The following CAMSAP2 variants were observed in gnomAD, a reference collection of about 807,000 sequenced individuals.
CAMSAP2 encodes calmodulin-regulated spectrin-associated protein 2.
A neutral mutation model predicts 146.1 loss-of-function variants in CAMSAP2; 26 were observed. The observed-to-expected ratio is 0.18, with a 90% CI of 0.13 to 0.25. The LOEUF (loss-of-function observed/expected upper bound fraction) is 0.25, where lower values mean the gene tolerates loss of function less well. CAMSAP2 is among the 10% of genes least tolerant of loss of function. The pLI, the probability that CAMSAP2 is intolerant of heterozygous loss-of-function variation, is 1.00. For missense variants in CAMSAP2, 1,381 were observed against 1,759.3 expected (o/e 0.78, Z 3.85); for synonymous variants, 499 against 596.6 (o/e 0.84, Z 2.38).
chr1:200,836,518 G>A (rs541916462), intron 6 of CAMSAP2, among the ~76,000 whole-genome samples: 14 of 152,032 alleles, frequency 9.2e-5, no homozygotes, highest in Admixed American at 2.6e-4. Flanking sequence ...ATGATTCCAT[G>A]TCTTGGCTAT....
chr1:200,845,483 C>T (rs1407712075), intron 8 of CAMSAP2, among the ~76,000 whole-genome samples: 1 of 152,090 alleles, frequency 6.6e-6, no homozygotes, highest in African/African-American at 2.4e-5. Context: ...GGCTGGTTAA[C>T]TGTATCATTG....
Position 200,810,247 on chromosome 1 carries a change from TTGTC to T in CAMSAP2, c.561+2713_561+2716del, listed in dbSNP as rs1357997299. On this transcript the variant is annotated intron_variant, in intron 3 of 16. Transcript: ENST00000358823. ...ACACTGTTATTTGTTCACTCCCACA[TTGTC>T]TGACTCTTCCGGTCTATTGGATCAT... is the stretch of plus-strand genomic sequence containing the variant. Among the ~76,000 whole-genome samples the T allele has an allele frequency of 1.8e-4, 27 of 152,266 alleles. 1 individual carries two copies. The highest frequency in any genetic ancestry group is 5.3e-4 in the African/African-American group (22 of 41,544).
chr1:200,849,504 G>A lies in CAMSAP2; in HGVS notation c.2735G>A (p.Arg912Lys). 1 of 1,614,196 alleles carries A rather than the reference G, an allele frequency of 6.2e-7. No homozygotes were observed. Among genetic ancestry groups the A allele is most frequent in the Non-Finnish European group, 8.5e-7 (1 of 1,180,032 alleles). The change falls in exon 11 of 17, where the codon AGA (arginine) becomes AAA (lysine). Residue 912 changes from arginine (R) to lysine (K), a missense_variant. Transcript: ENST00000358823. The surrounding 1 kb of genome is among the most constrained non-coding windows in gnomAD (Gnocchi z 6.3). Reference protein sequence around the residue: ...SLQQEMLMQMREQQSWVISPP... With the variant: ...SLQQEMLMQMKEQQSWVISPP... ...CAGCAGGAGATGTTAATGCAGATGA[G>A]AGAGCAACAATCTTGGGTGATTTCA...
intron 4 of CAMSAP2, 115 bp downstream of exon 4, chr1:200,815,759 A>C (rs1666465745): frequency 4.3e-6 from 2 of 470,278 alleles, no homozygotes; most frequent in Non-Finnish European, 7.3e-6. Context: ...AGTGGTGTTA[A>C]CTGTACCCTA....
intron 1 of CAMSAP2, among the ~76,000 whole-genome samples, chr1:200,755,854 A>T (rs1249685968): frequency 6.6e-6 from 1 of 152,208 alleles, no homozygotes; most frequent in Non-Finnish European, 1.5e-5. Flanking sequence ...TTAAACTACA[A>T]TGAGTGACTG....
In CAMSAP2 at chr1:200,859,713, G is replaced by A. The variant is rs78264982; in HGVS notation, c.*1654G>A. The A allele has an allele frequency of 3.2e-4, 49 of 152,242 alleles. 1 individual carries two copies. In the East Asian group the frequency reaches 8.8e-3, roughly 27 times the overall value. 9.4% of individuals were successfully genotyped at this position (152,242 alleles called of 1,614,324 possible). A position where few individuals can be genotyped will look rare whatever the true frequency, so the allele number is the denominator to read the frequency against. ...GATATGTAACTCTTATATTTTAAGT[G>A]TATACATATTGTGTATATAACATAT... On this transcript the variant is annotated 3_prime_UTR_variant, in exon 17 of 17. Transcript: ENST00000358823.
intron 2 of CAMSAP2, among the ~76,000 whole-genome samples, chr1:200,781,087 A>T (rs1284229030): frequency 6.6e-6 from 1 of 152,228 alleles, no homozygotes; most frequent in African/African-American, 2.4e-5. Flanking sequence ...TGGAGCTGTT[A>T]CTGATGGTTA....
chr1:200,835,475 T>A (rs1667162281), intron 6 of CAMSAP2, among the ~76,000 whole-genome samples: 1 of 152,298 alleles, frequency 6.6e-6, no homozygotes, highest in Non-Finnish European at 1.5e-5. Context: ...TATCTCCATG[T>A]GCCAGACACT....
chr1:200,817,994 TC>T (rs914085166), intron 4 of CAMSAP2, among the ~76,000 whole-genome samples: 13 of 152,200 alleles, frequency 8.5e-5, no homozygotes, highest in Non-Finnish European at 1.6e-4. Flanking sequence ...TCAGCTTCCT[TC>T]CCTTTCTCTT....
rs373017749 is a variant in CAMSAP2 at position 200,785,393 on chromosome 1, G to GTT, written c.400-21970_400-21969dup. On this transcript the variant is annotated intron_variant, in intron 2 of 16. Coordinates refer to ENST00000358823, the MANE Select transcript of CAMSAP2 (RefSeq NM_203459.4). ...TTGATGTTTTCTTTTTTTTTCTTTT[G>GTT]TTTTTTTTTTTTTTGAGGTGGAGTC... Among the ~76,000 whole-genome samples, 323 of 137,110 alleles carry GTT rather than the reference G, an allele frequency of 2.4e-3. 2 individuals are homozygous for GTT. The highest frequency in any genetic ancestry group is 3.7e-3 in the Non-Finnish European group (239 of 63,920). 89.9% of individuals were successfully genotyped at this position (137,110 alleles called of 152,430 possible). A position where few individuals can be genotyped will look rare whatever the true frequency, so the allele number is the denominator to read the frequency against.
chr1:200,769,165 C>T (rs1665043648), intron 2 of CAMSAP2, among the ~76,000 whole-genome samples: 1 of 152,078 alleles, frequency 6.6e-6, no homozygotes, highest in South Asian at 2.1e-4. Flanking sequence ...TCTAGATGTT[C>T]CCTTCCCCAT....
intron 1 of CAMSAP2, among the ~76,000 whole-genome samples, chr1:200,752,838 C>T (rs1488373356): frequency 6.6e-6 from 1 of 151,894 alleles, no homozygotes; most frequent in Non-Finnish European, 1.5e-5. Context: ...AGGATGGTCT[C>T]GATCTCCTGA....
Position 200,760,955 on chromosome 1 carries a change from A to G in CAMSAP2, c.256A>G (p.Ser86Gly), listed in dbSNP as rs760264911. 1 of 1,614,116 alleles carries G rather than the reference A, an allele frequency of 6.2e-7. No homozygotes were observed. Among genetic ancestry groups the G allele is most frequent in the South Asian group, 1.1e-5 (1 of 91,080 alleles). ...LSAELYCRAG[S>G]LILKSDAAKP... ...GGCTGAACTATACTGTCGTGCTGGG[A>G]GTCTCATTCTCAAGAGTGATGCTGC... The change falls in exon 2 of 17, where the codon AGT (serine) becomes GGT (glycine). Residue 86 changes from serine (S) to glycine (G), a missense_variant. Physicochemically the swap from Ser to Gly is moderately conservative, Grantham distance 56. Coordinates refer to ENST00000358823, the MANE Select transcript of CAMSAP2 (RefSeq NM_203459.4).
chr1:200,776,407 G>A (rs1015941422), intron 2 of CAMSAP2, among the ~76,000 whole-genome samples: 11 of 152,234 alleles, frequency 7.2e-5, no homozygotes, highest in African/African-American at 2.7e-4. Context: ...CTAGAACCAA[G>A]TGTAGTCATA....
chr1:200,787,392 G>A (rs1448513836), intron 2 of CAMSAP2, among the ~76,000 whole-genome samples: 1 of 152,114 alleles, frequency 6.6e-6, no homozygotes, highest in Non-Finnish European at 1.5e-5. Context: ...GACTTTAAGG[G>A]GTTCAGTACT....
intron 4 of CAMSAP2, among the ~76,000 whole-genome samples, chr1:200,817,183 C>CACATATAAGTGTGTGTGTATACACACAT (rs1558192066): frequency 9.0e-5 from 6 of 66,322 alleles, no homozygotes; most frequent in Admixed American, 1.5e-4. Flanking sequence ...TATATACACA[C>CACATATAAGTGTGTGTGTATACACACAT]ACACACATGT....
Position 200,831,986 on chromosome 1 carries a change from A to G in CAMSAP2, c.646-214A>G. ...AGTTAGTGTAAATTAGCAGTATGTT[A>G]TATTAAGTATTGAGCTTCAAAACTA... is the stretch of plus-strand genomic sequence containing the variant. On this transcript the variant is annotated intron_variant, in intron 4 of 16. Coordinates refer to ENST00000358823, the MANE Select transcript of CAMSAP2 (RefSeq NM_203459.4). 3 of 477,384 alleles carry G rather than the reference A, an allele frequency of 6.3e-6. No homozygotes were observed. The East Asian group carries it at 1.0e-4, about 16-fold the overall frequency. The allele number at this position is 477,384 out of a possible 1,614,324, so 29.6% of individuals were successfully genotyped here. A position where few individuals can be genotyped will look rare whatever the true frequency, so the allele number is the denominator to read the frequency against.
In CAMSAP2 at chr1:200,858,189, T is replaced by C; in HGVS notation, c.*130T>C. 1 of 776,270 alleles carries C rather than the reference T, an allele frequency of 1.3e-6. No homozygotes were observed. The highest frequency in any genetic ancestry group is 2.0e-6 in the Non-Finnish European group (1 of 496,666). 48.1% of individuals were successfully genotyped at this position (776,270 alleles called of 1,614,324 possible). ...AACTGGACATTAAGCTCTGTTGTCA[T>C]GAACAACTGGAATGTAAACCACAGT... On this transcript the variant is annotated 3_prime_UTR_variant, in exon 17 of 17. Transcript: ENST00000358823.
At chr1:200,843,091 AT>A (rs1333384794) in intron 7 of CAMSAP2, among the ~76,000 whole-genome samples, 2 of 152,058 alleles carry the variant, frequency 1.3e-5, no homozygotes, top group African/African-American at 4.8e-5. Context: ...TTATGGAAAC[AT>A]TTCTGTCTGC....
Sources: allele counts gnomAD v4.1 joint callset (sites outside exome capture counted in the v4.1 genomes callset), GRCh38; gene constraint gnomAD v4.1.1; non-coding constraint Gnocchi (gnomAD v3.1); transcripts MANE v1.5; gene names NCBI Gene and HGNC (gene_info 2026-07-23, HGNC 2026-07-21).